The following GCFC2 variants were observed in gnomAD, a reference collection of about 807,000 sequenced individuals.
GCFC2 encodes the protein intron Large complex component GCFC2.
Under a neutral mutation model 99.4 loss-of-function variants are expected in GCFC2, and 102 were observed. That is an observed-to-expected ratio of 1.03 (90% CI 0.87 to 1.21). The LOEUF is 1.21. Among genes scored for constraint, GCFC2 ranks in the 50% most tolerant of loss-of-function variants. The probability of loss-of-function intolerance (pLI) is 0.00; values close to 1 mark genes in which losing one functional copy is unlikely to be tolerated. For synonymous variants in GCFC2, 338 were observed against 316.8 expected (o/e 1.07, Z -0.71); for missense variants, 973 against 920.9 (o/e 1.06, Z -0.73).
At chr2:75,677,839 A>G (rs761837913) in intron 12 of GCFC2, among the ~76,000 whole-genome samples, 3 of 151,602 alleles carry the variant, frequency 2.0e-5, no homozygotes, top group Non-Finnish European at 2.9e-5. Flanking sequence ...TTAGCCAGGC[A>G]TGGTGGCAGG....
intron 13 of GCFC2, among the ~76,000 whole-genome samples, chr2:75,672,217 TA>T (rs1297530621): frequency 2.9e-4 from 41 of 140,584 alleles, no homozygotes; most frequent in African/African-American, 9.1e-4. Context: ...AATATGTTTA[TA>T]AAATATATAT....
At chr2:75,683,926 A>G (rs989935781) in intron 11 of GCFC2, among the ~76,000 whole-genome samples, 9 of 152,202 alleles carry the variant, frequency 5.9e-5, no homozygotes, top group African/African-American at 2.2e-4. Context: ...AGAGCTAACC[A>G]TCCTAAATAA....
rs1333504296 is a variant in GCFC2, at chr2:75,684,268, TAACA to T, written c.1690+3555_1690+3558del. Among the ~76,000 whole-genome samples, 7 of 152,258 alleles carry T rather than the reference TAACA, an allele frequency of 4.6e-5. No homozygotes were observed. In the East Asian group the frequency reaches 5.8e-4, roughly 13 times the overall value. ...AGCAAATGCAAAAGAATGGAAATCA[TAACA>T]AACAGTCTCTCAGACCACAGTACAA... On this transcript the variant is annotated intron_variant, in intron 11 of 16. Transcript: ENST00000321027.
chr2:75,689,734 A>T (rs937066448), intron 9 of GCFC2, among the ~76,000 whole-genome samples: 4 of 152,198 alleles, frequency 2.6e-5, no homozygotes. Context: ...TATTAATTGG[A>T]GAACGTCTAA....
At chr2:75,695,414 A>G (rs1680263702) in intron 5 of GCFC2, among the ~76,000 whole-genome samples, 1 of 152,232 alleles carries the variant, frequency 6.6e-6, no homozygotes, top group Admixed American at 6.5e-5. Context: ...TATATGGACA[A>G]ACATGATAGT....
intron 2 of GCFC2, 48 bp downstream of exon 2, chr2:75,706,475 A>C (rs753654104): frequency 1.6e-6 from 2 of 1,220,466 alleles, no homozygotes; most frequent in Non-Finnish European, 2.4e-6. Flanking sequence ...TATCAAAAAC[A>C]CTATATTAAA....
chr2:75,708,582 G>C (rs1357531748), intron 1 of GCFC2, among the ~76,000 whole-genome samples: 1 of 133,490 alleles, frequency 7.5e-6, no homozygotes, highest in Non-Finnish European at 1.5e-5. Context: ...CACAATCTCA[G>C]CTCACTGCAA....
At chr2:75,665,853 A>G (rs1558727621) in intron 16 of GCFC2, 76 bp downstream of exon 16, 1 of 907,014 alleles carries the variant, frequency 1.1e-6, no homozygotes, top group Non-Finnish European at 1.6e-6. Context: ...AAAAATACAA[A>G]TCTTTCTAAA....
chr2:75,678,990 C>T (rs1679459233), intron 12 of GCFC2, among the ~76,000 whole-genome samples: 1 of 152,240 alleles, frequency 6.6e-6, no homozygotes, highest in South Asian at 2.1e-4. Flanking sequence ...TCTGCCATAC[C>T]TGGCGATCAC....
chr2:75,692,234 A>T (rs1680115866), intron 6 of GCFC2, 134 bp from the exon 7 acceptor site: 1 of 268,030 alleles, frequency 3.7e-6, no homozygotes, highest in Non-Finnish European at 6.8e-6. Flanking sequence ...AAACATTCCC[A>T]ATACTATCAC....
At chr2:75,682,998 G>T (rs531002032) in intron 11 of GCFC2, among the ~76,000 whole-genome samples, 1 of 151,880 alleles carries the variant, frequency 6.6e-6, no homozygotes, top group South Asian at 2.1e-4. Flanking sequence ...GGGGAGAATG[G>T]AACCAAGTTG....
chr2:75,707,552 T>C (rs1680929076), intron 1 of GCFC2, among the ~76,000 whole-genome samples: 1 of 128,536 alleles, frequency 7.8e-6, no homozygotes, highest in South Asian at 2.5e-4. Context: ...AAAATCAAAA[T>C]TTAAAACACT....
chr2:75,694,320 G>T lies in GCFC2; in HGVS notation c.941C>A (p.Ser314Ter). ...GAATTTACAATTTAGAGCTTGATTT[G>T]ATGAACTCTCTAGGTTCTGGATGGT... ...KSTIQNLESS[S>*]NQALNCKFYK... The change falls in exon 6 of 17, where the codon TCA becomes TAA. Residue 314 changes from serine to a stop codon, truncating the protein, a stop_gained. Coordinates refer to ENST00000321027, the MANE Select transcript of GCFC2 (RefSeq NM_003203.5). LOFTEE classifies it high-confidence loss of function. 1 of 1,354,364 alleles carries T rather than the reference G, an allele frequency of 7.4e-7. No individual in the cohort carries two copies. Among genetic ancestry groups the T allele is most frequent in the South Asian group, 1.3e-5 (1 of 76,034 alleles). 83.9% of individuals were successfully genotyped at this position (1,354,364 alleles called of 1,614,324 possible). A position where few individuals can be genotyped will look rare whatever the true frequency, so the allele number is the denominator to read the frequency against.
intron 14 of GCFC2, among the ~76,000 whole-genome samples, chr2:75,671,328 A>C (rs1679081753): frequency 6.6e-6 from 1 of 152,192 alleles, no homozygotes; most frequent in South Asian, 2.1e-4. Flanking sequence ...ACCTACAGGT[A>C]GTGGACTCCC....
chr2:75,673,676 A>G (rs1289387010), intron 12 of GCFC2, among the ~76,000 whole-genome samples, 156 bp from the exon 13 acceptor site: 2 of 152,232 alleles, frequency 1.3e-5, no homozygotes, highest in Non-Finnish European at 2.9e-5. Flanking sequence ...TTATTTATCC[A>G]TGTTGCTACA....
intron 12 of GCFC2, chr2:75,679,874 T>G: frequency 2.5e-6 from 1 of 408,058 alleles, no homozygotes; most frequent in East Asian, 3.5e-5. Flanking sequence ...GGAATGAAAG[T>G]CATAATCTGG....
intron 4 of GCFC2, among the ~76,000 whole-genome samples, chr2:75,699,942 C>T (rs1680506479): frequency 1.3e-5 from 2 of 151,606 alleles, no homozygotes; most frequent in African/African-American, 2.4e-5. Context: ...ACTCTGTCAC[C>T]CACGCTGAAG....
chr2:75,690,658 T>C lies in GCFC2; in HGVS notation c.1206A>G (p.Leu402=). 1 of 1,529,730 alleles carries C rather than the reference T, an allele frequency of 6.5e-7. No individual in the cohort carries two copies. Among genetic ancestry groups the C allele is most frequent in the Non-Finnish European group, 9.0e-7 (1 of 1,107,328 alleles). The allele number at this position is 1,529,730 out of a possible 1,614,324, so 94.8% of individuals were successfully genotyped here. The change falls in exon 8 of 17, where the codon TTA becomes TTG. Residue 402 remains leucine (L), a synonymous_variant. Coordinates refer to ENST00000321027, the MANE Select transcript of GCFC2 (RefSeq NM_003203.5). ...FSVDEKTQWI[L]EEIESRRTKR... ...GGTACCTTCGAGATTCAATCTCTTC[T>C]AAAATCCACTGAGTTTTTTCATCTA...
intron 6 of GCFC2, 61 bp from the exon 7 acceptor site, chr2:75,692,161 ATATATATAT>A: frequency 2.1e-6 from 1 of 473,476 alleles, no homozygotes; most frequent in African/African-American, 2.0e-5. Context: ...ATATATATAT[ATATATATAT>A]AAAAGTAATA....
Sources: allele counts gnomAD v4.1 joint callset (sites outside exome capture counted in the v4.1 genomes callset), GRCh38; gene constraint gnomAD v4.1.1; transcripts MANE v1.5; gene names NCBI Gene and HGNC (gene_info 2026-07-23, HGNC 2026-07-21).